GNAT1: variants seen among roughly 807,000 people sequenced by gnomAD.
GNAT1 encodes guanine nucleotide-binding protein G(t) subunit alpha-1.
GNAT1 carries 36 observed loss-of-function variants against 40.0 expected under a neutral mutation model. The observed-to-expected ratio is 0.90, with a 90% CI of 0.69 to 1.19. The LOEUF is 1.19. Among genes scored for constraint, GNAT1 ranks in the 50% most tolerant of loss-of-function variants. The pLI, the probability that GNAT1 is intolerant of heterozygous loss-of-function variation, is 0.00. For missense variants in GNAT1, 413 were observed against 480.6 expected (o/e 0.86, Z 1.32); for synonymous variants, 195 against 192.9 (o/e 1.01, Z -0.09).
At position 50,193,033 on chromosome 3, in the gene GNAT1, G is replaced by A. The variant is rs2109138229; in HGVS notation, c.107-100G>A. The A allele has an allele frequency of 7.9e-7, 1 of 1,264,726 alleles. No homozygotes were observed. The highest frequency in any genetic ancestry group is 1.1e-6 in the Non-Finnish European group (1 of 886,116). The allele number at this position is 1,264,726 out of a possible 1,614,324, so 78.3% of individuals were successfully genotyped here. A position where few individuals can be genotyped will look rare whatever the true frequency, so the allele number is the denominator to read the frequency against. The stretch of plus-strand genomic sequence containing the variant: ...GCTGGCGCTCAGGCCTCTTCGCTGC[G>A]GGTCCACCCTGCCAACTCGGGAGGT... On this transcript the variant is annotated intron_variant, in intron 1 of 8. Transcript: ENST00000232461. The surrounding 1 kb of genome is among the most constrained non-coding windows in gnomAD (Gnocchi z 8.1).
chr3:50,194,774 C>T lies in GNAT1; in HGVS notation c.872C>T (p.Thr291Ile). 1 of 1,613,782 alleles carries T rather than the reference C, an allele frequency of 6.2e-7. No individual in the cohort carries two copies. The highest frequency in any genetic ancestry group is 8.5e-7 in the Non-Finnish European group (1 of 1,179,978). ...ICFPDYDGPN[T>I]YEDAGNYIKV... ...GCTCCCGCCCCCGCAGGACCCAACACCTACGAGGACGCCGGCAACTACATC... is the reference window on the plus strand; with the variant it reads ...GCTCCCGCCCCCGCAGGACCCAACATCTACGAGGACGCCGGCAACTACATC... Residue 291 changes from threonine (T) to isoleucine (I), a missense_variant, in exon 8 of 9, where the codon ACC becomes ATC. Transcript: ENST00000232461. This position sits in a 1 kb window ranked among gnomAD's most constrained non-coding sequence, Gnocchi z 6.1.
In GNAT1 at chr3:50,194,750, C is replaced by T; in HGVS notation, c.863-15C>T. ...AAGGAAGGGCTGAGCAGAGTGAGAG[C>T]TCCCGCCCCCGCAGGACCCAACACC... On this transcript the variant is annotated splice_polypyrimidine_tract_variant and intron_variant, in intron 7 of 8. Coordinates refer to ENST00000232461, the MANE Select transcript of GNAT1 (RefSeq NM_144499.3). The surrounding 1 kb of genome is among the most constrained non-coding windows in gnomAD (Gnocchi z 6.1). 2 of 1,613,162 alleles carry T rather than the reference C, an allele frequency of 1.2e-6. No individual in the cohort carries two copies. The highest frequency in any genetic ancestry group is 1.1e-5 in the South Asian group (1 of 91,074).
rs776284952 is a variant in GNAT1, at chr3:50,194,173, C to T, written c.660C>T (p.Ile220=). The part of the protein sequence containing the change: ...CFEGVTCIIF[I]AALSAYDMVL... Reference sequence around the variant, plus strand: ...AGGGCGTGACCTGCATCATCTTCATCGCGGCGCTGAGCGCCTACGACATGG... The same window carrying T: ...AGGGCGTGACCTGCATCATCTTCATTGCGGCGCTGAGCGCCTACGACATGG... Residue 220 remains isoleucine (I), a synonymous_variant, in exon 6 of 9, where the codon ATC becomes ATT. Transcript: ENST00000232461. This position sits in a 1 kb window ranked among gnomAD's most constrained non-coding sequence, Gnocchi z 6.1. The T allele has an allele frequency of 1.9e-6, 3 of 1,613,640 alleles. No individual in the cohort carries two copies. The highest frequency in any genetic ancestry group is 1.7e-5 in the Admixed American group (1 of 59,960).
intron 1 of GNAT1, chr3:50,192,852 CG>C: frequency 1.7e-6 from 1 of 579,482 alleles, no homozygotes; most frequent in Non-Finnish European, 3.1e-6. Flanking sequence ...CTGCCTGTGC[CG>C]GGGTCTTGGG....
Position 50,193,137 on chromosome 3 carries a change from C to T in GNAT1, c.111C>T (p.Ala37=), listed in dbSNP as rs1195798989. Residue 37 remains alanine, a synonymous_variant, in exon 2 of 9, where the codon GCC becomes GCT. Coordinates refer to ENST00000232461, the MANE Select transcript of GNAT1 (RefSeq NM_144499.3). The surrounding 1 kb of genome is among the most constrained non-coding windows in gnomAD (Gnocchi z 8.1). The part of the protein sequence containing the change: ...ARTVKLLLLG[A]GESGKSTIVK... ...GAGGCGCCGCGTCTCTTTCAGGTGC[C>T]GGTGAGTCCGGGAAGAGCACCATCG... The T allele has an allele frequency of 3.1e-6, 5 of 1,613,754 alleles. No individual in the cohort carries two copies. The highest frequency in any genetic ancestry group is 3.3e-5 in the Admixed American group (2 of 59,976).
rs1699412950 is a variant in GNAT1 at position 50,191,699 on chromosome 3, T to G, written c.-27T>G. The G allele has an allele frequency of 6.5e-7, 1 of 1,533,486 alleles. No individual in the cohort carries two copies. The highest frequency in any genetic ancestry group is 9.0e-7 in the Non-Finnish European group (1 of 1,106,446). 95.0% of individuals were successfully genotyped at this position (1,533,486 alleles called of 1,614,324 possible). A position where few individuals can be genotyped will look rare whatever the true frequency, so the allele number is the denominator to read the frequency against. On this transcript the variant is annotated 5_prime_UTR_variant, in exon 1 of 9. Transcript: ENST00000232461. Reference sequence around the variant, plus strand: ...CCATCCAGAAGAACCACCTGCTCACTCTGTCCCTTCGCCTGCTGCTGGGAC... The same window carrying G: ...CCATCCAGAAGAACCACCTGCTCACGCTGTCCCTTCGCCTGCTGCTGGGAC...
At position 50,194,687 on chromosome 3, in the gene GNAT1, C is replaced by T; in HGVS notation, c.862+33C>T. The T allele has an allele frequency of 3.7e-6, 6 of 1,610,876 alleles. No individual in the cohort carries two copies. The South Asian group carries it at 5.5e-5, about 15-fold the overall frequency. On this transcript the variant is annotated intron_variant, in intron 7 of 8. Transcript: ENST00000232461. The surrounding 1 kb of genome is among the most constrained non-coding windows in gnomAD (Gnocchi z 6.1). ...GTCCGCAAGGCCGCCAGGCGGCGCC[C>T]CCGCCCCACGATCGCGGCGCGCACC... is the stretch of plus-strand genomic sequence containing the variant.
chr3:50,195,935 C>T lies in GNAT1; in HGVS notation c.*669C>T. On this transcript the variant is annotated 3_prime_UTR_variant, in exon 9 of 9. Transcript: ENST00000232461. ...AGGACCCTTCCCCAAATACTAGGCT[C>T]AGAGCAACCTCCAGCCTTCTCCAGC... 1 of 152,694 alleles carries T rather than the reference C, an allele frequency of 6.5e-6. No homozygotes were observed. The highest frequency in any genetic ancestry group is 1.9e-4 in the East Asian group (1 of 5,204). 9.5% of individuals were successfully genotyped at this position (152,694 alleles called of 1,614,324 possible).
Position 50,194,477 on chromosome 3 carries a change from C to A in GNAT1, c.709-24C>A. On this transcript the variant is annotated intron_variant, in intron 6 of 8. Coordinates refer to ENST00000232461, the MANE Select transcript of GNAT1 (RefSeq NM_144499.3). The surrounding 1 kb of genome is among the most constrained non-coding windows in gnomAD (Gnocchi z 6.1). ...TGCGGGTCGGACGCTACCCCGGGTG[C>A]CCAACAGCTGCTGCCCTCCTCAGAA... The A allele has an allele frequency of 6.2e-7, 1 of 1,611,572 alleles. No homozygotes were observed. Among genetic ancestry groups the A allele is most frequent in the South Asian group, 1.1e-5 (1 of 90,996 alleles).
rs914613406 is a variant in GNAT1, at chr3:50,193,676, G to A, written c.449+13G>A. Reference sequence around the variant, plus strand: ...ACTCGGCGGGCTAGTGAGCGCGCGGGCAGCGCGGGGCGCGGGGCGCGGGGC... The same window carrying A: ...ACTCGGCGGGCTAGTGAGCGCGCGGACAGCGCGGGGCGCGGGGCGCGGGGC... On this transcript the variant is annotated intron_variant, in intron 4 of 8. Coordinates refer to ENST00000232461, the MANE Select transcript of GNAT1 (RefSeq NM_144499.3). The surrounding 1 kb of genome is among the most constrained non-coding windows in gnomAD (Gnocchi z 8.1). 5 of 1,609,100 alleles carry A rather than the reference G, an allele frequency of 3.1e-6. No individual in the cohort carries two copies. In the Admixed American group the frequency reaches 5.0e-5, roughly 16 times the overall value.
chr3:50,192,069 C>A (rs1258692553), intron 1 of GNAT1, among the ~76,000 whole-genome samples: 3 of 152,214 alleles, frequency 2.0e-5, no homozygotes, highest in African/African-American at 7.2e-5. Context: ...GGTGACCCAC[C>A]CTCCCCAGAA....
chr3:50,193,298 G>C lies in GNAT1; in HGVS notation c.183G>C (p.Glu61Asp). 1 of 1,614,174 alleles carries C rather than the reference G, an allele frequency of 6.2e-7. No homozygotes were observed. Among genetic ancestry groups the C allele is most frequent in the Non-Finnish European group, 8.5e-7 (1 of 1,179,998 alleles). ...ACCAGGACGGGTACTCGCTGGAAGA[G>C]TGCCTCGAGTTTATCGCCATCATCT... ...IIHQDGYSLEECLEFIAIIYG... is the reference protein window; with the variant it reads ...IIHQDGYSLEDCLEFIAIIYG... Residue 61 changes from glutamate to aspartate, a missense_variant, in exon 3 of 9, where the codon GAG (glutamate) becomes GAC (aspartate). Transcript: ENST00000232461. The surrounding 1 kb of genome is among the most constrained non-coding windows in gnomAD (Gnocchi z 8.1).
At chr3:50,192,822 GTC>G in intron 1 of GNAT1, 1 of 538,746 alleles carries the variant, frequency 1.9e-6, no homozygotes, top group South Asian at 2.1e-5. Context: ...CTTCATTGCA[GTC>G]TCACAGCATA....
chr3:50,197,394 C>A lies in GNAT1; in HGVS notation c.*2128C>A, dbSNP rs879841527. 1.3e-5 allele frequency among the ~76,000 whole-genome samples: 2 copies of A among 152,116 alleles called. No homozygotes were observed. Among genetic ancestry groups the A allele is most frequent in the Admixed American group, 1.3e-4 (2 of 15,264 alleles). On this transcript the variant is annotated 3_prime_UTR_variant, in exon 9 of 9. Transcript: ENST00000232461. Reference sequence around the variant, plus strand: ...ATAACCCCCCATTCCTGCCTTCCCCCGGCTCCTGGCATCCACCATTCTACT... The same window carrying A: ...ATAACCCCCCATTCCTGCCTTCCCCAGGCTCCTGGCATCCACCATTCTACT...
In GNAT1 at chr3:50,193,090, G is replaced by A. The variant is rs749381143; in HGVS notation, c.107-43G>A. The A allele has an allele frequency of 1.2e-5, 19 of 1,609,226 alleles. No homozygotes were observed. The highest frequency in any genetic ancestry group is 1.5e-5 in the Non-Finnish European group (18 of 1,177,292). On this transcript the variant is annotated intron_variant, in intron 1 of 8. Transcript: ENST00000232461. The surrounding 1 kb of genome is among the most constrained non-coding windows in gnomAD (Gnocchi z 8.1). ...CCTCCTGGCCTCCTTGCTGGAGGGGGCAGGCTGGTCAGCGCAGCTCTGAGG... is the reference window on the plus strand; with the variant it reads ...CCTCCTGGCCTCCTTGCTGGAGGGGACAGGCTGGTCAGCGCAGCTCTGAGG...
rs375676709 is a variant in GNAT1 at position 50,194,623 on chromosome 3, G to T, written c.831G>T (p.Ala277=). The T allele has an allele frequency of 3.1e-6, 5 of 1,613,318 alleles. No individual in the cohort carries two copies. The highest frequency in any genetic ancestry group is 2.7e-5 in the African/African-American group (2 of 74,920). ...TCTTCTTCGAGAAGATCAAGAAGGC[G>T]CACCTCAGCATCTGTTTCCCGGACT... ...KDVFFEKIKK[A]HLSICFPDYD... is the part of the protein sequence containing the mutation. Residue 277 remains alanine (A), a synonymous_variant, in exon 7 of 9, where the codon GCG becomes GCT. Coordinates refer to ENST00000232461, the MANE Select transcript of GNAT1 (RefSeq NM_144499.3). The surrounding 1 kb of genome is among the most constrained non-coding windows in gnomAD (Gnocchi z 6.1).
Position 50,194,331 on chromosome 3 carries a change from C to G in GNAT1, c.708+110C>G. The stretch of plus-strand genomic sequence containing the variant: ...GGAGGGCACGGGAGGGGATGCCTGT[C>G]CCGGGCGGCCTGAGGAGGCCCGGAG... On this transcript the variant is annotated intron_variant, in intron 6 of 8. Transcript: ENST00000232461. This position sits in a 1 kb window ranked among gnomAD's most constrained non-coding sequence, Gnocchi z 6.1. 1 of 1,444,088 alleles carries G rather than the reference C, an allele frequency of 6.9e-7. No homozygotes were observed. The highest frequency in any genetic ancestry group is 1.4e-5 in the African/African-American group (1 of 71,134). The allele number at this position is 1,444,088 out of a possible 1,614,324, so 89.5% of individuals were successfully genotyped here.
rs757893975 is a variant in GNAT1 at position 50,194,807 on chromosome 3, A to G, written c.905A>G (p.Gln302Arg). 1.9e-6 allele frequency: 3 copies of G among 1,613,956 alleles called. No individual in the cohort carries two copies. Among genetic ancestry groups the G allele is most frequent in the South Asian group, 2.2e-5 (2 of 91,074 alleles). ...GACGCCGGCAACTACATCAAGGTGC[A>G]GTTCCTCGAGCTCAACATGCGGCGC... ...YEDAGNYIKV[Q>R]FLELNMRRDV... is the part of the protein sequence containing the mutation. The change falls in exon 8 of 9, where the codon CAG becomes CGG. Residue 302 changes from glutamine (Q) to arginine (R), a missense_variant. By Grantham distance (43) the Gln-to-Arg change is conservative (BLOSUM62 1). Coordinates refer to ENST00000232461, the MANE Select transcript of GNAT1 (RefSeq NM_144499.3). The surrounding 1 kb of genome is among the most constrained non-coding windows in gnomAD (Gnocchi z 6.1).
chr3:50,192,681 T>G (rs1172120425), intron 1 of GNAT1: 1 of 288,032 alleles, frequency 3.5e-6, no homozygotes, highest in Non-Finnish European at 6.8e-6. Flanking sequence ...CCAAAAGAGC[T>G]AATTCCCTCT....
Sources: allele counts gnomAD v4.1 joint callset (sites outside exome capture counted in the v4.1 genomes callset), GRCh38; gene constraint gnomAD v4.1.1; non-coding constraint Gnocchi (gnomAD v3.1); transcripts MANE v1.5; gene names NCBI Gene and HGNC (gene_info 2026-07-23, HGNC 2026-07-21).